The following DOCK2 variants were observed in gnomAD, a reference collection of about 807,000 sequenced individuals.
DOCK2 encodes the protein dedicator of cytokinesis protein 2.
Under a neutral mutation model 248.9 loss-of-function variants are expected in DOCK2, and 87 were observed. That is an observed-to-expected ratio of 0.35 (90% CI 0.29 to 0.42). The LOEUF (loss-of-function observed/expected upper bound fraction) is 0.42. Among genes scored for constraint, DOCK2 ranks in the 10% least tolerant of loss-of-function variants. The probability of loss-of-function intolerance (pLI) is 1.00; values close to 1 mark genes in which losing one functional copy is unlikely to be tolerated. For missense variants in DOCK2, 1,747 were observed against 2,300.2 expected (o/e 0.76, Z 4.92); for synonymous variants, 805 against 821.6 (o/e 0.98, Z 0.35).
chr5:169,639,619 G>C (rs939197002), intron 1 of DOCK2, among the ~76,000 whole-genome samples: 1 of 152,188 alleles, frequency 6.6e-6, no homozygotes, highest in Non-Finnish European at 1.5e-5. Context: ...CAAAAAGGAT[G>C]CAGGGAAAAA....
At chr5:170,032,441 A>T (rs539717464) in intron 34 of DOCK2, among the ~76,000 whole-genome samples, 3 of 152,266 alleles carry the variant, frequency 2.0e-5, no homozygotes, top group East Asian at 3.9e-4. Context: ...TAAGTTGAGC[A>T]TTGGGCTTTG....
intron 41 of DOCK2, among the ~76,000 whole-genome samples, chr5:170,053,275 G>A (rs10044255): frequency 0.029 from 4,352 of 152,286 alleles, 110 homozygotes; most frequent in African/African-American, 0.068. Flanking sequence ...TCTAAAACAG[G>A]GGTCTGCAAA....
chr5:169,720,957 C>T (rs1352590188), intron 22 of DOCK2, among the ~76,000 whole-genome samples: 2 of 152,156 alleles, frequency 1.3e-5, no homozygotes, highest in South Asian at 2.1e-4. Flanking sequence ...CTCCTGATCT[C>T]GTGATCTGCC....
chr5:170,029,036 G>T (rs893430746), intron 34 of DOCK2, among the ~76,000 whole-genome samples: 2 of 152,116 alleles, frequency 1.3e-5, no homozygotes, highest in African/African-American at 4.8e-5. Flanking sequence ...TCTTCTGTGA[G>T]CATGCAGGTA....
At chr5:170,056,824 C>G in intron 43 of DOCK2, 56 bp downstream of exon 43, 6 of 1,499,942 alleles carry the variant, frequency 4.0e-6, no homozygotes, top group Non-Finnish European at 5.5e-6. Context: ...GGAACCAGAG[C>G]ATGCATCGGC....
intron 33 of DOCK2, among the ~76,000 whole-genome samples, chr5:170,023,144 G>A (rs1755789124): frequency 1.3e-5 from 2 of 152,216 alleles, no homozygotes; most frequent in African/African-American, 2.4e-5. Flanking sequence ...TGTAGAACAG[G>A]ACTGTGTACC....
chr5:170,017,710 G>A (rs768411060), intron 32 of DOCK2, among the ~76,000 whole-genome samples: 7 of 152,238 alleles, frequency 4.6e-5, no homozygotes, highest in South Asian at 2.1e-4. Flanking sequence ...CCGAGGCCCC[G>A]AGAAGGGAGA....
intron 46 of DOCK2, among the ~76,000 whole-genome samples, chr5:170,074,049 T>C (rs898180139): frequency 6.6e-6 from 1 of 152,198 alleles, no homozygotes; most frequent in African/African-American, 2.4e-5. Context: ...TTTTCTGTGT[T>C]TTCTAATATG....
At chr5:169,898,242 C>T (rs1403678328) in intron 27 of DOCK2, among the ~76,000 whole-genome samples, 1 of 152,208 alleles carries the variant, frequency 6.6e-6, no homozygotes, top group Non-Finnish European at 1.5e-5. Flanking sequence ...TGCCCATCAA[C>T]TGGCTGCCAT....
At chr5:170,066,380 C>T (rs1386426377) in intron 44 of DOCK2, among the ~76,000 whole-genome samples, 1 of 152,080 alleles carries the variant, frequency 6.6e-6, no homozygotes, top group Non-Finnish European at 1.5e-5. Flanking sequence ...CATATACACC[C>T]AATGTTGGAG....
chr5:169,698,786 A>G (rs1406726982), intron 11 of DOCK2, among the ~76,000 whole-genome samples: 2 of 152,236 alleles, frequency 1.3e-5, no homozygotes, highest in Non-Finnish European at 2.9e-5. Flanking sequence ...ACAGATAATC[A>G]ACAAAAGATT....
rs575347671 is a variant in DOCK2, at chr5:169,714,538, G to A, written c.1941+81G>A. On this transcript the variant is annotated intron_variant, in intron 19 of 51. Coordinates refer to ENST00000520908, the MANE Select transcript of DOCK2 (RefSeq NM_004946.3). ...TGGGTGGCTTCAGGGGAAAAACAAG[G>A]TATTGAAGGACATGGGGAAACTTTT... 6 of 1,473,758 alleles carry A rather than the reference G, an allele frequency of 4.1e-6. No homozygotes were observed. In the African/African-American group the frequency reaches 5.6e-5, roughly 14 times the overall value. 91.3% of individuals were successfully genotyped at this position (1,473,758 alleles called of 1,614,324 possible).
At chr5:169,745,923 G>A (rs980503506) in intron 22 of DOCK2, among the ~76,000 whole-genome samples, 4 of 152,148 alleles carry the variant, frequency 2.6e-5, no homozygotes, top group Non-Finnish European at 4.4e-5. Context: ...AGCAGAGGGA[G>A]CTATGGAACT....
At chr5:169,908,122 C>T (rs1774396085) in intron 27 of DOCK2, among the ~76,000 whole-genome samples, 2 of 152,202 alleles carry the variant, frequency 1.3e-5, no homozygotes, top group South Asian at 4.2e-4. Context: ...ATTCTGCAGC[C>T]CCATTTCAGT....
chr5:170,019,030 T>A lies in DOCK2; in HGVS notation c.3303T>A (p.Ala1101=), dbSNP rs750457290. The change falls in exon 33 of 52, where the codon GCT becomes GCA. Residue 1101 remains alanine, a synonymous_variant. Coordinates refer to ENST00000520908, the MANE Select transcript of DOCK2 (RefSeq NM_004946.3). The part of the protein sequence containing the change: ...PILEMTLIPE[A]ELRKATIPIF... ...TAGAGATGACACTTATCCCTGAGGC[T>A]GAGCTCCGGAAAGCCACCATACCAA... is the stretch of plus-strand genomic sequence containing the variant. The A allele has an allele frequency of 6.2e-7, 1 of 1,614,142 alleles. No homozygotes were observed.
chr5:169,812,177 C>G (rs560345055), intron 26 of DOCK2, among the ~76,000 whole-genome samples: 1 of 152,332 alleles, frequency 6.6e-6, no homozygotes, highest in African/African-American at 2.4e-5. Flanking sequence ...TACAGTCACT[C>G]CGCATGGCTT....
intron 26 of DOCK2, among the ~76,000 whole-genome samples, chr5:169,813,455 G>A (rs924457805): frequency 6.6e-6 from 1 of 152,072 alleles, no homozygotes; most frequent in African/African-American, 2.4e-5. Context: ...CATATATCCA[G>A]GACTTTATTT....
chr5:169,907,154 C>A (rs1774327633), intron 27 of DOCK2, among the ~76,000 whole-genome samples: 1 of 152,186 alleles, frequency 6.6e-6, no homozygotes, highest in Non-Finnish European at 1.5e-5. Flanking sequence ...GGACCCATAT[C>A]TGATGGCTGC....
chr5:169,959,032 G>T (rs1447020129), intron 27 of DOCK2, among the ~76,000 whole-genome samples: 2 of 152,146 alleles, frequency 1.3e-5, no homozygotes, highest in African/African-American at 4.8e-5. Context: ...CTAGGACTGG[G>T]CAGAAACAAC....
Sources: allele counts gnomAD v4.1 joint callset (sites outside exome capture counted in the v4.1 genomes callset), GRCh38; gene constraint gnomAD v4.1.1; transcripts MANE v1.5; gene names NCBI Gene and HGNC (gene_info 2026-07-23, HGNC 2026-07-21).